Variants in PCDH11X observed in about 807,000 individuals in gnomAD.
PCDH11X encodes the protein protocadherin 11 X-linked.
In PCDH11X, 18 loss-of-function variants were observed where a neutral mutation model predicts 53.3. The observed-to-expected ratio is 0.34, with a 90% CI of 0.23 to 0.50. PCDH11X has a LOEUF of 0.50. PCDH11X is among the 20% of genes least tolerant of loss of function. The probability of loss-of-function intolerance (pLI) is 0.98; values close to 1 mark genes in which losing one functional copy is unlikely to be tolerated. For synonymous variants in PCDH11X, 279 were observed against 393.3 expected (o/e 0.71, Z 3.44); for missense variants, 570 against 1,032.4 (o/e 0.55, Z 6.14).
At position 91,835,474 on chromosome X, in the gene PCDH11X, A is replaced by G. The variant is rs753858616; in HGVS notation, c.-31A>G. The G allele has an allele frequency of 6.6e-6, 8 of 1,211,215 alleles. No individual in the cohort carries two copies. The highest frequency in any genetic ancestry group is 7.8e-6 in the Non-Finnish European group (7 of 895,373). On this transcript the variant is annotated 5_prime_UTR_variant, in exon 5 of 11. Coordinates refer to ENST00000682573, the MANE Select transcript of PCDH11X (RefSeq NM_032968.5). ...TCTTTTGGTCAGTGTTGTGCGGGTTAATACAACAAACTGTAACAAGTGTAC... is the reference window on the plus strand; with the variant it reads ...TCTTTTGGTCAGTGTTGTGCGGGTTGATACAACAAACTGTAACAAGTGTAC...
intron 9 of PCDH11X, among the ~76,000 whole-genome samples, chrX:92,407,046 T>C (rs2071537264): frequency 2.0e-5 from 2 of 102,511 alleles, no homozygotes; most frequent in Admixed American, 2.1e-4. Flanking sequence ...TGGTGTTTAT[T>C]ACCCCCAATT....
In PCDH11X at chrX:92,242,728, G is replaced by A. The variant is rs748660356; in HGVS notation, c.3115-20386G>A. ...ATACCACTTTATTGCCATCAGCAAT[G>A]TATGCTTGATTCATTTCTCTGCAAC... is the stretch of plus-strand genomic sequence containing the variant. On this transcript the variant is annotated intron_variant, in intron 7 of 10. Coordinates refer to ENST00000682573, the MANE Select transcript of PCDH11X (RefSeq NM_032968.5). Among the ~76,000 whole-genome samples the A allele has an allele frequency of 7.2e-5, 8 of 111,336 alleles. No homozygotes were observed. In the South Asian group the frequency reaches 3.0e-3, roughly 42 times the overall value.
At chrX:91,961,594 G>A (rs1394804031) in intron 6 of PCDH11X, among the ~76,000 whole-genome samples, 3 of 109,693 alleles carry the variant, frequency 2.7e-5, no homozygotes, top group Non-Finnish European at 5.7e-5. Context: ...ATGAATAAAC[G>A]AATTCAGTAA....
intron 10 of PCDH11X, among the ~76,000 whole-genome samples, chrX:92,520,427 G>C (rs1349152041): frequency 9.5e-6 from 1 of 105,376 alleles, no homozygotes; most frequent in Non-Finnish European, 1.9e-5. Context: ...CAATATTGAT[G>C]GTTACTGACT....
chrX:92,063,253 A>C (rs2063550969), intron 6 of PCDH11X, among the ~76,000 whole-genome samples: 1 of 109,727 alleles, frequency 9.1e-6, no homozygotes, highest in Non-Finnish European at 1.9e-5. Flanking sequence ...TGATGGGTTG[A>C]TTGGTGCAGC....
intron 6 of PCDH11X, among the ~76,000 whole-genome samples, chrX:91,974,113 A>T (rs1290407300): frequency 1.8e-5 from 2 of 111,775 alleles, no homozygotes; most frequent in African/African-American, 6.5e-5. Context: ...GAATGTTAAA[A>T]TGTAAATGGA....
chrX:92,608,874 A>C (rs746750511), intron 10 of PCDH11X, among the ~76,000 whole-genome samples: 1 of 110,494 alleles, frequency 9.1e-6, no homozygotes, highest in African/African-American at 3.3e-5. Flanking sequence ...TTACTCCCAA[A>C]ATTTCTTTGT....
At chrX:92,294,363 G>A (rs945945338) in intron 8 of PCDH11X, among the ~76,000 whole-genome samples, 1 of 111,034 alleles carries the variant, frequency 9.0e-6, no homozygotes, top group Non-Finnish European at 1.9e-5. Context: ...GGCTGGTCTC[G>A]AATTCCTGAA....
At chrX:91,925,299 A>G (rs189854475) in intron 6 of PCDH11X, among the ~76,000 whole-genome samples, 1 of 110,559 alleles carries the variant, frequency 9.0e-6, no homozygotes, top group African/African-American at 3.3e-5. Context: ...CATGTAATCT[A>G]TTGACTATTG....
Position 92,461,849 on chromosome X carries a change from A to G in PCDH11X, c.3344-6450A>G, listed in dbSNP as rs184418695. 4.8e-3 allele frequency among the ~76,000 whole-genome samples: 539 copies of G among 111,895 alleles called. 3 individuals are homozygous for G. Among genetic ancestry groups the G allele is most frequent in the Non-Finnish European group, 8.2e-3 (438 of 53,098 alleles). ...AATAACCAGAATATATGAGGAGCTC[A>G]AACAACTCAATAGGAAAAAAGGTGA... On this transcript the variant is annotated intron_variant, in intron 9 of 10. Coordinates refer to ENST00000682573, the MANE Select transcript of PCDH11X (RefSeq NM_032968.5).
chrX:92,475,152 G>A (rs6619047), intron 10 of PCDH11X, among the ~76,000 whole-genome samples: 5,255 of 72,742 alleles, frequency 0.072, 519 homozygotes, highest in East Asian at 0.44. Flanking sequence ...GCGACAGAGC[G>A]AGACTCCGTC....
chrX:92,525,359 G>A (rs761852061), intron 10 of PCDH11X, among the ~76,000 whole-genome samples: 2 of 111,554 alleles, frequency 1.8e-5, no homozygotes, highest in African/African-American at 3.3e-5. Flanking sequence ...GGCTGGGCGC[G>A]GTGGCTCACG....
chrX:92,568,834 G>A (rs1413687863), intron 10 of PCDH11X, among the ~76,000 whole-genome samples: 1 of 110,703 alleles, frequency 9.0e-6, no homozygotes, highest in East Asian at 2.8e-4. Flanking sequence ...TATTTTGTAC[G>A]TCTTTAAAAA....
At chrX:91,969,795 C>CAA (rs535187943) in intron 6 of PCDH11X, among the ~76,000 whole-genome samples, 21,153 of 72,211 alleles carry the variant, frequency 0.29, 2,572 homozygotes, top group African/African-American at 0.35. Flanking sequence ...GCCCTTGTCT[C>CAA]AAAAAAAAAA....
chrX:92,578,744 C>T (rs1479391286), intron 10 of PCDH11X, among the ~76,000 whole-genome samples: 1 of 107,930 alleles, frequency 9.3e-6, no homozygotes, highest in Non-Finnish European at 1.9e-5. Flanking sequence ...AGCCCATTTA[C>T]ATTTAAGTTT....
intron 6 of PCDH11X, among the ~76,000 whole-genome samples, chrX:92,042,490 G>A (rs931625922): frequency 3.8e-5 from 4 of 104,469 alleles, no homozygotes; most frequent in Admixed American, 3.3e-4. Flanking sequence ...TTTCTTATGA[G>A]CACCTACCAT....
chrX:92,275,343 C>T (rs1189248259), intron 8 of PCDH11X, among the ~76,000 whole-genome samples: 6 of 105,771 alleles, frequency 5.7e-5, no homozygotes, highest in South Asian at 4.3e-4. Context: ...AGGGAGAGCA[C>T]GTGTGTTTTT....
intron 8 of PCDH11X, among the ~76,000 whole-genome samples, chrX:92,361,268 T>C (rs1215206638): frequency 9.1e-6 from 1 of 110,111 alleles, no homozygotes; most frequent in Non-Finnish European, 1.9e-5. Flanking sequence ...GTTATTTCTC[T>C]ATTTGGTCTT....
intron 7 of PCDH11X, among the ~76,000 whole-genome samples, chrX:92,220,570 G>A (rs2066846624): frequency 9.1e-6 from 1 of 110,368 alleles, no homozygotes; most frequent in Admixed American, 9.7e-5. Flanking sequence ...AGAGGATGTG[G>A]AGAAATAGGA....
Sources: gnomAD v4.1 joint callset for allele counts (sites outside exome capture counted in the v4.1 genomes callset) on GRCh38, gnomAD v4.1.1 for gene constraint, MANE v1.5 for transcripts, NCBI Gene and HGNC (gene_info 2026-07-23, HGNC 2026-07-21) for gene names.